Variants in KDM4B observed in about 807,000 individuals in gnomAD.
KDM4B encodes lysine-specific demethylase 4B.
In KDM4B, 32 loss-of-function variants were observed where a neutral mutation model predicts 125.2. The observed-to-expected ratio is 0.26, with a 90% CI of 0.19 to 0.34. The LOEUF (loss-of-function observed/expected upper bound fraction) is 0.34. Ranked by LOEUF, KDM4B falls within the 10% of genes least tolerant of loss-of-function variation. KDM4B has a pLI of 1.00. For missense variants in KDM4B, 1,190 were observed against 1,577.7 expected, an observed-to-expected ratio of 0.75 and a Z score of 4.16; for synonymous variants, 721 against 677.9, an observed-to-expected ratio of 1.06 and a Z score of -0.99.
At chr19:5,148,360 C>G (rs1358359010) in intron 21 of KDM4B, among the ~76,000 whole-genome samples, 2 of 152,212 alleles carry the variant, frequency 1.3e-5, no homozygotes, top group Non-Finnish European at 2.9e-5. Context: ...TCCCTGGAGC[C>G]CACTTGGACC....
intron 10 of KDM4B, among the ~76,000 whole-genome samples, chr19:5,116,439 G>C (rs764196709): frequency 3.9e-5 from 6 of 152,168 alleles, no homozygotes; most frequent in Non-Finnish European, 7.3e-5. Flanking sequence ...TAGACACACA[G>C]AGTCTCGTAT....
At chr19:5,144,732 C>G in intron 20 of KDM4B, 51 bp from the exon 21 acceptor site, 1 of 1,606,818 alleles carries the variant, frequency 6.2e-7, no homozygotes, top group Non-Finnish European at 8.5e-7. Flanking sequence ...CCAGCGACAG[C>G]CCCCAGCGTA....
At chr19:5,033,939 T>C (rs2036537264) in intron 3 of KDM4B, among the ~76,000 whole-genome samples, 2 of 152,160 alleles carry the variant, frequency 1.3e-5, no homozygotes, top group Non-Finnish European at 2.9e-5. Flanking sequence ...AAGACCAAGC[T>C]GGCCAACACA....
intron 8 of KDM4B, chr19:5,080,618 T>A (rs1197764082): frequency 6.6e-6 from 1 of 152,242 alleles, no homozygotes; most frequent in Non-Finnish European, 1.5e-5. Flanking sequence ...GGCGGTGCCA[T>A]GGCCATGGAA....
intron 9 of KDM4B, among the ~76,000 whole-genome samples, chr19:5,083,190 C>T (rs1227043837): frequency 6.6e-6 from 1 of 152,218 alleles, no homozygotes; most frequent in Non-Finnish European, 1.5e-5. Flanking sequence ...AGCGCTTGTT[C>T]CCCACTCTCC....
intron 1 of KDM4B, among the ~76,000 whole-genome samples, chr19:4,988,563 C>T (rs750820922): frequency 3.3e-5 from 5 of 152,162 alleles, no homozygotes; most frequent in Non-Finnish European, 5.9e-5. Flanking sequence ...GCATGAGCCA[C>T]CGTGCCCGGC....
chr19:4,974,926 C>T (rs146411304), intron 1 of KDM4B, among the ~76,000 whole-genome samples: 30 of 152,194 alleles, frequency 2.0e-4, no homozygotes, highest in Non-Finnish European at 2.8e-4. Context: ...TCCCTTTCTT[C>T]CTCCTGCACC....
intron 1 of KDM4B, among the ~76,000 whole-genome samples, chr19:5,015,164 G>A (rs1568228209): frequency 6.6e-6 from 1 of 152,200 alleles, no homozygotes; most frequent in Non-Finnish European, 1.5e-5. Flanking sequence ...CACCGGTGGA[G>A]CTCTGAGACG....
At chr19:5,031,450 C>T (rs1053650924) in intron 2 of KDM4B, among the ~76,000 whole-genome samples, 1 of 152,232 alleles carries the variant, frequency 6.6e-6, no homozygotes, top group African/African-American at 2.4e-5. Context: ...TTGCGGCTGC[C>T]CCATGGGAGA....
rs774623429 is a variant in KDM4B at position 5,114,182 on chromosome 19, C to T, written c.1115+3364C>T. 13 of 1,289,788 alleles carry T rather than the reference C, an allele frequency of 1.0e-5. No homozygotes were observed. The highest frequency in any genetic ancestry group is 1.2e-5 in the Non-Finnish European group (12 of 988,864). 79.9% of individuals were successfully genotyped at this position (1,289,788 alleles called of 1,614,324 possible). Reference sequence around the variant, plus strand: ...CACGCGACGCTCCTCCATGCAAACTCTTTCCACGCGAGAAGCGCCATGTGC... The same window carrying T: ...CACGCGACGCTCCTCCATGCAAACTTTTTCCACGCGAGAAGCGCCATGTGC... On this transcript the variant is annotated intron_variant, in intron 10 of 22. Transcript: ENST00000159111. The surrounding 1 kb of genome is among the most constrained non-coding windows in gnomAD (Gnocchi z 5.8).
At chr19:5,137,464 G>A (rs1037220599) in intron 16 of KDM4B, 126 bp downstream of exon 16, 4 of 1,207,466 alleles carry the variant, frequency 3.3e-6, no homozygotes, top group African/African-American at 1.5e-5. Context: ...CTGCCCTGAG[G>A]GGGTGGAACC....
At chr19:5,071,305 C>T (rs2037941132) in intron 7 of KDM4B, among the ~76,000 whole-genome samples, 1 of 152,244 alleles carries the variant, frequency 6.6e-6, no homozygotes. Context: ...CCAGACGCTC[C>T]TGTTTTCCAG....
Position 5,144,033 on chromosome 19 carries a change from C to T in KDM4B, c.2617C>T (p.His873Tyr). The T allele has an allele frequency of 1.9e-6, 3 of 1,602,474 alleles. No individual in the cohort carries two copies. The highest frequency in any genetic ancestry group is 2.6e-6 in the Non-Finnish European group (3 of 1,170,988). ...SGACIQCSYE[H>Y]CSTSFHVTCA... ...TGCCTGTATCCAGTGCTCCTACGAGCACTGCTCCACGTCCTTCCACGTGAC... is the reference window on the plus strand; with the variant it reads ...TGCCTGTATCCAGTGCTCCTACGAGTACTGCTCCACGTCCTTCCACGTGAC... The change falls in exon 19 of 23, where the codon CAC becomes TAC. Residue 873 changes from histidine (H) to tyrosine (Y), a missense_variant. Physicochemically the swap from His to Tyr is moderately conservative, Grantham distance 83. This residue lies in a region of KDM4B where 298 missense variants were observed against 439.7 expected (regional missense o/e 0.68). Transcript: ENST00000159111.
intron 4 of KDM4B, among the ~76,000 whole-genome samples, chr19:5,040,628 G>A (rs534020871): frequency 1.6e-4 from 25 of 152,076 alleles, no homozygotes; most frequent in Non-Finnish European, 2.6e-4. Context: ...GCACAGCCAC[G>A]TAGCCTCCGT....
chr19:5,117,472 C>A (rs570175081), intron 10 of KDM4B, among the ~76,000 whole-genome samples: 1 of 152,228 alleles, frequency 6.6e-6, no homozygotes, highest in African/African-American at 2.4e-5. Flanking sequence ...CCCTACAGCC[C>A]TGGGGCATTC....
At chr19:5,069,640 G>A (rs1230389848) in intron 6 of KDM4B, among the ~76,000 whole-genome samples, 1 of 151,884 alleles carries the variant, frequency 6.6e-6, no homozygotes, top group Non-Finnish European at 1.5e-5. Flanking sequence ...TTGAGACAGA[G>A]TCTCACTCTC....
Position 5,135,430 on chromosome 19 carries a change from C to T in KDM4B, c.2177C>T (p.Pro726Leu), listed in dbSNP as rs997806824. The T allele has an allele frequency of 1.2e-6, 2 of 1,613,636 alleles. No homozygotes were observed. The highest frequency in any genetic ancestry group is 1.7e-6 in the Non-Finnish European group (2 of 1,179,970). The change falls in exon 15 of 23, where the codon CCG becomes CTG. Residue 726 changes from proline (P) to leucine (L), a missense_variant. Transcript: ENST00000159111. ...LPSKSRQKTR[P>L]LIPEMCFTSG... ...TCCAAAAGCCGTCAGAAGACCCGAC[C>T]GCTCATCCCTGAGATGTGCTTCACC... is the stretch of plus-strand genomic sequence containing the variant.
intron 6 of KDM4B, among the ~76,000 whole-genome samples, chr19:5,060,465 G>GAAAAAAAAA (rs2037557697): frequency 3.0e-5 from 1 of 32,894 alleles, no homozygotes; most frequent in Admixed American, 3.4e-4. Context: ...AAAAAAAAAG[G>GAAAAAAAAA]GAGCCATGAT....
chr19:5,107,789 CTG>C (rs1334515546), intron 9 of KDM4B, among the ~76,000 whole-genome samples: 1 of 152,230 alleles, frequency 6.6e-6, no homozygotes, highest in East Asian at 1.9e-4. Context: ...CTCTCCCACA[CTG>C]TGGCCCTGCT....
Sources: gnomAD v4.1 joint callset for allele counts (sites outside exome capture counted in the v4.1 genomes callset) on GRCh38, gnomAD v4.1.1 for gene constraint, gnomAD v4.1.1 regional missense constraint, Gnocchi (gnomAD v3.1) non-coding constraint, MANE v1.5 for transcripts, NCBI Gene and HGNC (gene_info 2026-07-23, HGNC 2026-07-21) for gene names.